Variants in MBTPS1 observed in about 807,000 individuals in gnomAD.
MBTPS1 encodes membrane bound transcription factor peptidase, site 1.
MBTPS1 carries 94 observed loss-of-function variants against 127.8 expected under a neutral mutation model. The ratio of observed to expected loss-of-function variants is 0.74; its 90% CI spans 0.62 to 0.87. The LOEUF (loss-of-function observed/expected upper bound fraction) is 0.87. Ranked by LOEUF, MBTPS1 falls within the 40% of genes least tolerant of loss-of-function variation. The pLI is 0.00. For missense variants in MBTPS1, 1,636 were observed against 1,353.2 expected (o/e 1.21, Z -3.28); for synonymous variants, 632 against 509.4 (o/e 1.24, Z -3.24).
At chr16:84,102,483 T>C (rs1334729676) in intron 1 of MBTPS1, among the ~76,000 whole-genome samples, 2 of 152,040 alleles carry the variant, frequency 1.3e-5, no homozygotes, top group Non-Finnish European at 2.9e-5. Flanking sequence ...AATAAAACAA[T>C]AAAATCAATG....
intron 14 of MBTPS1, among the ~76,000 whole-genome samples, chr16:84,069,364 G>A (rs1442296284): frequency 1.3e-5 from 2 of 152,208 alleles, no homozygotes; most frequent in African/African-American, 2.4e-5. Flanking sequence ...GGGCTTGGCC[G>A]GGTGAGGAAG....
intron 11 of MBTPS1, among the ~76,000 whole-genome samples, chr16:84,080,393 G>C (rs1179096284): frequency 6.6e-6 from 1 of 152,254 alleles, no homozygotes; most frequent in South Asian, 2.1e-4. Context: ...GGAAGTATGT[G>C]ACGAAACAAG....
chr16:84,077,459 A>G (rs911812167), intron 11 of MBTPS1, among the ~76,000 whole-genome samples: 10 of 152,180 alleles, frequency 6.6e-5, no homozygotes, highest in Non-Finnish European at 1.3e-4. Flanking sequence ...AAAACTTAGT[A>G]CATAATAAAG....
chr16:84,058,842 A>C (rs372914989), intron 21 of MBTPS1, among the ~76,000 whole-genome samples: 44 of 152,340 alleles, frequency 2.9e-4, no homozygotes, highest in African/African-American at 1.1e-3. Flanking sequence ...TTTCACCCCC[A>C]GTCACAGTCA....
At chr16:84,067,559 T>A in intron 16 of MBTPS1, 108 bp downstream of exon 16, 3 of 896,244 alleles carry the variant, frequency 3.3e-6, no homozygotes, top group Non-Finnish European at 5.3e-6. Context: ...AATGTGTCTG[T>A]GCCAACTGGA....
chr16:84,087,411 T>A lies in MBTPS1; in HGVS notation c.1081A>T (p.Ile361Phe). 6.2e-7 allele frequency: 1 copy of A among 1,610,788 alleles called. No individual in the cohort carries two copies. Among genetic ancestry groups the A allele is most frequent in the Non-Finnish European group, 8.5e-7 (1 of 1,179,630 alleles). The change falls in exon 9 of 23, where the codon ATT becomes TTT. Residue 361 changes from isoleucine (I) to phenylalanine (F), a missense_variant. Physicochemically the swap from Ile to Phe is conservative, Grantham distance 21. Transcript: ENST00000343411. ...DQMDVIGVGG[I>F]DFEDNIARFS... ...CGGGCGATGTTATCTTCAAAGTCAATGCCGCCTACTCCAATCACATCCATT... is the reference window on the plus strand; with the variant it reads ...CGGGCGATGTTATCTTCAAAGTCAAAGCCGCCTACTCCAATCACATCCATT...
intron 10 of MBTPS1, among the ~76,000 whole-genome samples, chr16:84,084,247 C>T (rs1000105009): frequency 3.9e-5 from 6 of 152,174 alleles, no homozygotes; most frequent in Non-Finnish European, 7.3e-5. Flanking sequence ...TGTGAGCCAC[C>T]GCACCCGGCC....
chr16:84,109,165 C>T lies in MBTPS1; in HGVS notation c.-324-7058G>A, dbSNP rs568732630. On this transcript the variant is annotated intron_variant, in intron 1 of 22. Transcript: ENST00000343411. Reference sequence around the variant, plus strand: ...CAAAGAACTAGTTCCAGTCTGGGTACGGTAAGAACAAGATGGGTTTGGAAC... The same window carrying T: ...CAAAGAACTAGTTCCAGTCTGGGTATGGTAAGAACAAGATGGGTTTGGAAC... 2.8e-3 allele frequency among the ~76,000 whole-genome samples: 425 copies of T among 152,196 alleles called. 1 individual carries two copies. Among genetic ancestry groups the T allele is most frequent in the Middle Eastern group, 0.014 (4 of 294 alleles).
intron 6 of MBTPS1, 74 bp downstream of exon 6, chr16:84,093,114 G>T: frequency 1.0e-6 from 1 of 976,140 alleles, no homozygotes; most frequent in Non-Finnish European, 1.7e-6. Flanking sequence ...ACACAAGTGT[G>T]TACAGTCCAG....
intron 22 of MBTPS1, among the ~76,000 whole-genome samples, chr16:84,055,435 C>A (rs1211527215): frequency 6.6e-6 from 1 of 152,220 alleles, no homozygotes; most frequent in South Asian, 2.1e-4. Flanking sequence ...CTGGAAAGGC[C>A]TGGTACCAAT....
In MBTPS1 at chr16:84,116,857, A is replaced by T. The variant is rs1036628349; in HGVS notation, c.-447T>A. 6 of 152,256 alleles carry T rather than the reference A, an allele frequency of 3.9e-5. No individual in the cohort carries two copies. The highest frequency in any genetic ancestry group is 3.9e-4 in the Admixed American group (6 of 15,288). 9.4% of individuals were successfully genotyped at this position (152,256 alleles called of 1,614,324 possible). On this transcript the variant is annotated 5_prime_UTR_variant, in exon 1 of 23. Coordinates refer to ENST00000343411, the MANE Select transcript of MBTPS1 (RefSeq NM_003791.4). ...TCTCGCGAGACTGGGCGACCGGGCC[A>T]GCGAGGCCCACAGCTGGGAGCCTCA...
chr16:84,054,746 A>AGTGAAATTAGCTCGC, intron 22 of MBTPS1, 101 bp from the exon 23 acceptor site: 1 of 871,176 alleles, frequency 1.1e-6, no homozygotes, highest in Non-Finnish European at 1.7e-6. Flanking sequence ...AATGCGAGCT[A>AGTGAAATTAGCTCGC]ATTTCACTAG....
At chr16:84,079,130 T>C (rs1207373036) in intron 11 of MBTPS1, among the ~76,000 whole-genome samples, 1 of 152,158 alleles carries the variant, frequency 6.6e-6, no homozygotes, top group African/African-American at 2.4e-5. Flanking sequence ...CCCCGCTCTC[T>C]TGCTCCCTCT....
chr16:84,070,823 G>A (rs1435171523), intron 12 of MBTPS1, 47 bp from the exon 13 acceptor site: 2 of 1,474,230 alleles, frequency 1.4e-6, no homozygotes, highest in Non-Finnish European at 1.9e-6. Context: ...AAAGCTCCAG[G>A]AGAAAACACG....
At chr16:84,063,583 A>G (rs1404434358) in intron 18 of MBTPS1, 138 bp from the exon 19 acceptor site, 4 of 805,268 alleles carry the variant, frequency 5.0e-6, no homozygotes, top group Non-Finnish European at 7.8e-6. Context: ...AAATTTTTAG[A>G]ATAGAAAAGC....
At chr16:84,112,526 G>A (rs1278552074) in intron 1 of MBTPS1, among the ~76,000 whole-genome samples, 4 of 151,870 alleles carry the variant, frequency 2.6e-5, no homozygotes, top group African/African-American at 9.7e-5. Context: ...GCTGGGCGTG[G>A]TGGTGGGCTC....
chr16:84,093,610 T>C, intron 5 of MBTPS1, 101 bp downstream of exon 5: 1 of 874,770 alleles, frequency 1.1e-6, no homozygotes. Context: ...CAATAACACC[T>C]TGGGCTTGTC....
intron 1 of MBTPS1, among the ~76,000 whole-genome samples, chr16:84,111,820 C>T (rs2086401758): frequency 6.6e-6 from 1 of 151,678 alleles, no homozygotes; most frequent in South Asian, 2.1e-4. Flanking sequence ...TGGGGAAATG[C>T]TAATGAAATG....
chr16:84,054,974 T>A (rs2085500058), intron 22 of MBTPS1, among the ~76,000 whole-genome samples: 1 of 152,118 alleles, frequency 6.6e-6, no homozygotes. Flanking sequence ...GCGCTCTGTG[T>A]TTCTCTAAAC....
Sources: allele counts gnomAD v4.1 joint callset (sites outside exome capture counted in the v4.1 genomes callset), GRCh38; gene constraint gnomAD v4.1.1; transcripts MANE v1.5; gene names NCBI Gene and HGNC (gene_info 2026-07-23, HGNC 2026-07-21).